The following CLASP2 variants were observed in gnomAD, a reference collection of about 807,000 sequenced individuals.
CLASP2 encodes the protein CLIP-associating protein 2.
Under a neutral mutation model 194.4 loss-of-function variants are expected in CLASP2, and 47 were observed. That is an observed-to-expected ratio of 0.24 (90% confidence interval 0.19 to 0.31). The LOEUF is 0.31. Ranked by LOEUF, CLASP2 falls within the 10% of genes least tolerant of loss-of-function variation. The pLI, the probability that CLASP2 is intolerant of heterozygous loss-of-function variation, is 1.00. For missense variants in CLASP2, 1,445 were observed against 1,823.6 expected (o/e 0.79, Z 3.78); for synonymous variants, 619 against 633.5 (o/e 0.98, Z 0.34).
intron 3 of CLASP2, among the ~76,000 whole-genome samples, chr3:33,689,159 G>C (rs1198466755): frequency 6.6e-6 from 1 of 151,106 alleles, no homozygotes; most frequent in Non-Finnish European, 1.5e-5. Flanking sequence ...CTTTCAAGAA[G>C]GTGGCTTAAG....
At chr3:33,591,912 G>T (rs1417115994) in intron 21 of CLASP2, among the ~76,000 whole-genome samples, 2 of 152,076 alleles carry the variant, frequency 1.3e-5, no homozygotes, top group African/African-American at 4.8e-5. Context: ...ATCTGTCCTT[G>T]AATTATGTTA....
At chr3:33,676,539 T>G (rs1297355554) in intron 6 of CLASP2, among the ~76,000 whole-genome samples, 4 of 150,308 alleles carry the variant, frequency 2.7e-5, no homozygotes, top group African/African-American at 7.3e-5. Flanking sequence ...TTACACCTTA[T>G]ACAAAAATCA....
intron 5 of CLASP2, among the ~76,000 whole-genome samples, chr3:33,686,386 G>A (rs916752977): frequency 2.0e-5 from 3 of 152,132 alleles, no homozygotes; most frequent in Non-Finnish European, 2.9e-5. Flanking sequence ...AAGCTTTACC[G>A]CCTGAACTCT....
At chr3:33,662,429 T>C (rs140304453) in intron 7 of CLASP2, among the ~76,000 whole-genome samples, 5 of 152,342 alleles carry the variant, frequency 3.3e-5, no homozygotes, top group Admixed American at 3.3e-4. Context: ...TAAAACACTT[T>C]CTATTCAGAG....
chr3:33,501,609 T>G (rs112438806), intron 38 of CLASP2, 43 bp downstream of exon 38: 1 of 1,217,784 alleles, frequency 8.2e-7, no homozygotes. Context: ...TTTTGAAAGA[T>G]GTACTATGGC....
intron 6 of CLASP2, among the ~76,000 whole-genome samples, chr3:33,669,141 A>C: frequency 6.6e-6 from 1 of 152,252 alleles, no homozygotes; most frequent in Non-Finnish European, 1.5e-5. Flanking sequence ...ACATATGTGC[A>C]CACTTAATTT....
intron 2 of CLASP2, among the ~76,000 whole-genome samples, chr3:33,690,988 C>T (rs1361344702): frequency 6.6e-6 from 1 of 152,106 alleles, no homozygotes; most frequent in Non-Finnish European, 1.5e-5. Flanking sequence ...AATCTAGATC[C>T]CTCAATATGC....
At chr3:33,682,248 A>C (rs2089970643) in intron 6 of CLASP2, among the ~76,000 whole-genome samples, 1 of 152,236 alleles carries the variant, frequency 6.6e-6, no homozygotes. Context: ...TTATAGAATT[A>C]TATGAAAAAA....
intron 3 of CLASP2, among the ~76,000 whole-genome samples, 186 bp from the exon 4 acceptor site, chr3:33,688,554 T>C (rs893858442): frequency 6.6e-6 from 1 of 152,236 alleles, no homozygotes; most frequent in Non-Finnish European, 1.5e-5. Flanking sequence ...CACCCATTTT[T>C]ATTACCTTAA....
At chr3:33,677,929 CA>C (rs777895095) in intron 6 of CLASP2, among the ~76,000 whole-genome samples, 1,299 of 60,040 alleles carry the variant, frequency 0.022, 6 homozygotes, top group African/African-American at 0.054. Flanking sequence ...AACAAAGTAC[CA>C]AAAAAAAAAA....
intron 7 of CLASP2, chr3:33,645,376 A>G: frequency 1.3e-6 from 1 of 763,210 alleles, no homozygotes; most frequent in Non-Finnish European, 2.4e-6. Flanking sequence ...ACATGGCCAA[A>G]TACAGTAAAT....
chr3:33,645,173 A>G, intron 7 of CLASP2: 4 of 751,632 alleles, frequency 5.3e-6, no homozygotes, highest in South Asian at 4.2e-5. Context: ...TAAAGGTAGT[A>G]AAAGTATTTT....
intron 34 of CLASP2, among the ~76,000 whole-genome samples, chr3:33,531,806 A>G (rs1278305450): frequency 6.6e-6 from 1 of 152,116 alleles, no homozygotes; most frequent in Non-Finnish European, 1.5e-5. Context: ...AACAAAACCT[A>G]CAATGGGATA....
intron 8 of CLASP2, among the ~76,000 whole-genome samples, chr3:33,637,758 A>G (rs2080445971): frequency 6.6e-6 from 1 of 152,210 alleles, no homozygotes; most frequent in African/African-American, 2.4e-5. Flanking sequence ...AATGGCAATA[A>G]CTAATGAGGC....
At chr3:33,583,011 A>G (rs1576753554) in intron 22 of CLASP2, among the ~76,000 whole-genome samples, 1 of 152,332 alleles carries the variant, frequency 6.6e-6, no homozygotes, top group East Asian at 1.9e-4. Flanking sequence ...ACTCCTACAC[A>G]CTATTTCTAA....
At chr3:33,569,182 A>G (rs2063314218) in intron 26 of CLASP2, among the ~76,000 whole-genome samples, 1 of 152,222 alleles carries the variant, frequency 6.6e-6, no homozygotes, top group East Asian at 1.9e-4. Flanking sequence ...GTATTAAGAG[A>G]GGCCAAACAT....
chr3:33,715,847 T>TTAAAA (rs1258991523), intron 1 of CLASP2, among the ~76,000 whole-genome samples: 3 of 62,134 alleles, frequency 4.8e-5, no homozygotes, highest in African/African-American at 2.0e-4. Flanking sequence ...GTATCTTAAG[T>TTAAAA]AAAAAAAAAA....
intron 33 of CLASP2, among the ~76,000 whole-genome samples, chr3:33,536,331 A>C (rs2057330230): frequency 6.6e-6 from 1 of 151,982 alleles, no homozygotes; most frequent in South Asian, 2.1e-4. Context: ...CTGAGGTGGG[A>C]GGATGGAGTT....
intron 7 of CLASP2, among the ~76,000 whole-genome samples, chr3:33,646,103 T>C (rs1300345108): frequency 6.6e-6 from 1 of 152,020 alleles, no homozygotes; most frequent in Non-Finnish European, 1.5e-5. Flanking sequence ...TGCCAGAATC[T>C]TTTCCTTTCA....
Sources: gnomAD v4.1 joint callset for allele counts (sites outside exome capture counted in the v4.1 genomes callset) on GRCh38, gnomAD v4.1.1 for gene constraint, MANE v1.5 for transcripts, NCBI Gene and HGNC (gene_info 2026-07-23, HGNC 2026-07-21) for gene names.